Variants in TRPM3 observed in about 807,000 individuals in gnomAD.
The protein encoded by TRPM3 is long transient receptor potential channel 3.
Under a neutral mutation model 181.2 loss-of-function variants are expected in TRPM3, and 77 were observed. The observed-to-expected ratio is 0.42, with a 90% CI of 0.35 to 0.51. TRPM3 has a LOEUF of 0.51. Ranked by LOEUF, TRPM3 falls within the 20% of genes least tolerant of loss-of-function variation. The pLI, the probability that TRPM3 is intolerant of heterozygous loss-of-function variation, is 0.01. For missense variants in TRPM3, 1,759 were observed against 2,196.7 expected (o/e 0.80, Z 3.98); for synonymous variants, 745 against 796.4 (o/e 0.94, Z 1.09).
At chr9:70,816,419 A>C (rs1331738753) in intron 6 of TRPM3, among the ~76,000 whole-genome samples, 2 of 152,200 alleles carry the variant, frequency 1.3e-5, no homozygotes, top group Non-Finnish European at 2.9e-5. Flanking sequence ...GCCTCCTAAA[A>C]TGTTTCAACA....
At chr9:71,099,734 C>T (rs761056414) in intron 1 of TRPM3, among the ~76,000 whole-genome samples, 3 of 152,180 alleles carry the variant, frequency 2.0e-5, no homozygotes, top group Non-Finnish European at 4.4e-5. Context: ...TAATGCTAAG[C>T]TTTCTTTTAT....
intron 3 of TRPM3, among the ~76,000 whole-genome samples, chr9:70,859,123 T>G (rs2095461622): frequency 6.6e-6 from 1 of 152,152 alleles, no homozygotes; most frequent in Non-Finnish European, 1.5e-5. Flanking sequence ...CACTGAGAGT[T>G]GGGGCTGCCA....
chr9:71,333,198 G>C (rs2090333077), intron 1 of TRPM3, among the ~76,000 whole-genome samples: 1 of 151,930 alleles, frequency 6.6e-6, no homozygotes, highest in Non-Finnish European at 1.5e-5. Flanking sequence ...TAAGGGGACT[G>C]CAAGAAGTCG....
chr9:70,852,620 T>C (rs931660075), intron 3 of TRPM3, among the ~76,000 whole-genome samples: 11 of 152,228 alleles, frequency 7.2e-5, no homozygotes, highest in African/African-American at 2.7e-4. Context: ...CTGACTTCTT[T>C]ATGAGACACC....
At chr9:71,191,624 C>G (rs1445691595) in intron 1 of TRPM3, among the ~76,000 whole-genome samples, 2 of 151,774 alleles carry the variant, frequency 1.3e-5, no homozygotes, top group African/African-American at 4.8e-5. Flanking sequence ...CTGTACTAGA[C>G]TGTCCTATAC....
chr9:71,277,227 C>T lies in TRPM3; in HGVS notation c.183+169426G>A, dbSNP rs139671791. On this transcript the variant is annotated intron_variant, in intron 1 of 24. Coordinates refer to the TRPM3 transcript ENST00000357533. The stretch of plus-strand genomic sequence containing the variant: ...CTGAAGGCCTGCACAGAAAGGAAGA[C>T]GCAACTGAAATGGGGATGGTGTCTA... Among the ~76,000 whole-genome samples, 226 of 152,216 alleles carry T rather than the reference C, an allele frequency of 1.5e-3. 1 individual carries two copies. Among genetic ancestry groups the T allele is most frequent in the African/African-American group, 5.3e-3 (221 of 41,530 alleles).
intron 3 of TRPM3, among the ~76,000 whole-genome samples, chr9:70,851,681 A>T (rs1191938975): frequency 6.6e-6 from 1 of 152,196 alleles, no homozygotes; most frequent in Non-Finnish European, 1.5e-5. Context: ...CAATCAAGAG[A>T]GTGAATGAAT....
At chr9:71,051,720 G>A (rs1228419385) in intron 1 of TRPM3, among the ~76,000 whole-genome samples, 1 of 152,080 alleles carries the variant, frequency 6.6e-6, no homozygotes, top group Non-Finnish European at 1.5e-5. Context: ...TAGTTTTGGT[G>A]TTCATTTCAG....
chr9:70,904,254 C>G (rs1488365655), intron 1 of TRPM3, among the ~76,000 whole-genome samples: 1 of 152,108 alleles, frequency 6.6e-6, no homozygotes, highest in East Asian at 1.9e-4. Flanking sequence ...AAACACCTCA[C>G]TCTTTTGGCA....
At chr9:70,674,193 A>C (rs114764151) in intron 9 of TRPM3, among the ~76,000 whole-genome samples, 171 of 152,320 alleles carry the variant, frequency 1.1e-3, no homozygotes, top group African/African-American at 4.0e-3. Flanking sequence ...GCCATAATAC[A>C]TTCAATAAAA....
intron 1 of TRPM3, among the ~76,000 whole-genome samples, chr9:71,200,289 C>T (rs1283627677): frequency 6.6e-6 from 1 of 151,640 alleles, no homozygotes; most frequent in Non-Finnish European, 1.5e-5. Flanking sequence ...AGCTTTATTT[C>T]CAACTATGTG....
intron 1 of TRPM3, among the ~76,000 whole-genome samples, chr9:70,940,359 G>A (rs1192983291): frequency 1.3e-5 from 2 of 152,158 alleles, no homozygotes; most frequent in Admixed American, 6.5e-5. Context: ...TCTCTTTATA[G>A]TTCTTTGAAA....
intron 1 of TRPM3, among the ~76,000 whole-genome samples, chr9:71,195,153 T>C (rs184674873): frequency 9.9e-5 from 15 of 152,004 alleles, no homozygotes; most frequent in Non-Finnish European, 2.1e-4. Flanking sequence ...CAAAACCTAA[T>C]AAACGGGATC....
chr9:70,828,156 C>A, intron 5 of TRPM3, 138 bp from the exon 6 acceptor site: 1 of 828,112 alleles, frequency 1.2e-6, no homozygotes. Flanking sequence ...ACATCTTCTT[C>A]TTAGTATTGC....
intron 7 of TRPM3, among the ~76,000 whole-genome samples, chr9:70,777,843 A>T (rs970785672): frequency 2.6e-5 from 4 of 152,156 alleles, no homozygotes; most frequent in African/African-American, 9.7e-5. Context: ...TTATATTATC[A>T]GTTCTATCTT....
At chr9:71,045,614 C>T (rs2059343431) in intron 1 of TRPM3, among the ~76,000 whole-genome samples, 1 of 152,088 alleles carries the variant, frequency 6.6e-6, no homozygotes, top group South Asian at 2.1e-4. Flanking sequence ...GGCAGGGGGA[C>T]AGATGAGGCA....
intron 22 of TRPM3, among the ~76,000 whole-genome samples, chr9:70,588,547 G>A (rs2057547677): frequency 6.6e-6 from 1 of 152,146 alleles, no homozygotes; most frequent in Admixed American, 6.5e-5. Context: ...TGAATGAGCA[G>A]CATTTCAGAA....
At chr9:71,446,670 G>C (rs981696218) in exon 1 of TRPM3, 31 of 1,550,050 alleles carry the variant, frequency 2.0e-5, no homozygotes, top group Non-Finnish European at 2.4e-5. Flanking sequence ...TGCTGCGACG[G>C]GAGTCCCGAG....
intron 1 of TRPM3, among the ~76,000 whole-genome samples, chr9:70,929,132 G>T (rs762425798): frequency 6.6e-6 from 1 of 151,144 alleles, no homozygotes; most frequent in African/African-American, 2.4e-5. Flanking sequence ...GGTTTATTCA[G>T]TTGCTGGCTA....
Sources: allele counts gnomAD v4.1 joint callset (sites outside exome capture counted in the v4.1 genomes callset), GRCh38; gene constraint gnomAD v4.1.1; transcripts MANE v1.5; gene names NCBI Gene and HGNC (gene_info 2026-07-23, HGNC 2026-07-21).